The following PRKG1 variants were observed in gnomAD, a reference collection of about 807,000 sequenced individuals.
PRKG1 encodes cGMP-dependent protein kinase 1.
Under a neutral mutation model 88.1 loss-of-function variants are expected in PRKG1, and 35 were observed. The observed-to-expected ratio is 0.40, with a 90% CI of 0.30 to 0.53. The LOEUF (loss-of-function observed/expected upper bound fraction) is 0.53, where lower values mean the gene tolerates loss of function less well. PRKG1 is among the 20% of genes least tolerant of loss of function. The probability of loss-of-function intolerance (pLI) is 0.59; values close to 1 mark genes in which losing one functional copy is unlikely to be tolerated. For missense variants in PRKG1, 540 were observed against 839.8 expected (o/e 0.64, Z 4.41); for synonymous variants, 303 against 292.5 (o/e 1.04, Z -0.37).
chr10:51,788,815 C>T (rs1838794869), intron 3 of PRKG1, among the ~76,000 whole-genome samples: 1 of 152,124 alleles, frequency 6.6e-6, no homozygotes, highest in Non-Finnish European at 1.5e-5. Context: ...ACAGTGAGCT[C>T]TGCAGGAGAG....
intron 3 of PRKG1, among the ~76,000 whole-genome samples, chr10:51,754,876 G>A (rs1218941246): frequency 6.6e-6 from 1 of 152,084 alleles, no homozygotes; most frequent in African/African-American, 2.4e-5. Context: ...TGTGAGGTGT[G>A]TTGCCACTAT....
intron 2 of PRKG1, among the ~76,000 whole-genome samples, chr10:51,378,411 C>G (rs1157590766): frequency 6.6e-6 from 1 of 152,136 alleles, no homozygotes; most frequent in Non-Finnish European, 1.5e-5. Context: ...ATAGCACTAG[C>G]CGACCATTTA....
At chr10:52,006,052 C>T (rs77631414) in intron 5 of PRKG1, among the ~76,000 whole-genome samples, 9 of 151,448 alleles carry the variant, frequency 5.9e-5, no homozygotes, top group South Asian at 4.2e-4. Context: ...ATAATCAAAC[C>T]CCCAAGGGCA....
intron 2 of PRKG1, among the ~76,000 whole-genome samples, chr10:51,163,993 GT>G (rs1336454411): frequency 6.6e-6 from 1 of 152,192 alleles, no homozygotes; most frequent in African/African-American, 2.4e-5. Flanking sequence ...AAAGACAGCA[GT>G]AACCTCTGCA....
intron 2 of PRKG1, among the ~76,000 whole-genome samples, chr10:51,203,625 C>T (rs1837969067): frequency 6.6e-6 from 1 of 152,116 alleles, no homozygotes; most frequent in Non-Finnish European, 1.5e-5. Context: ...GTGAAAAGAC[C>T]TGCGCTTGAA....
At chr10:51,411,525 A>AT (rs1838088347) in intron 2 of PRKG1, among the ~76,000 whole-genome samples, 1 of 152,198 alleles carries the variant, frequency 6.6e-6, no homozygotes, top group Non-Finnish European at 1.5e-5. Context: ...ATAACGGATA[A>AT]TGGCAGGGGG....
chr10:51,766,857 T>C (rs1247736193), intron 3 of PRKG1, among the ~76,000 whole-genome samples: 6 of 152,206 alleles, frequency 3.9e-5, no homozygotes, highest in Admixed American at 3.3e-4. Context: ...CATAGTTTTT[T>C]ACTTTGTTCA....
At chr10:51,325,877 A>G (rs1299521795) in intron 2 of PRKG1, among the ~76,000 whole-genome samples, 5 of 152,026 alleles carry the variant, frequency 3.3e-5, no homozygotes, top group Admixed American at 2.0e-4. Flanking sequence ...ACTGCATTCC[A>G]TCTGTGCTGA....
intron 2 of PRKG1, among the ~76,000 whole-genome samples, chr10:51,346,316 C>T (rs35339047): frequency 0.064 from 9,782 of 152,210 alleles, 437 homozygotes; most frequent in Middle Eastern, 0.12. Flanking sequence ...AATGGATTTG[C>T]GGCTGGGTTT....
chr10:52,003,427 T>C (rs1844650329), intron 5 of PRKG1, among the ~76,000 whole-genome samples: 1 of 152,202 alleles, frequency 6.6e-6, no homozygotes, highest in African/African-American at 2.4e-5. Context: ...AGAAGTAGGA[T>C]TAAGAAAGTC....
intron 14 of PRKG1, among the ~76,000 whole-genome samples, chr10:52,285,695 T>A (rs1385887796): frequency 2.0e-5 from 3 of 152,144 alleles, no homozygotes; most frequent in Non-Finnish European, 4.4e-5. Context: ...TTATCTATAA[T>A]TTCTTTGAGG....
intron 3 of PRKG1, among the ~76,000 whole-genome samples, chr10:51,491,956 G>A (rs1437113333): frequency 1.3e-5 from 2 of 152,090 alleles, no homozygotes; most frequent in East Asian, 3.9e-4. Flanking sequence ...CTGAGTGAAA[G>A]CGATGGTTTT....
chr10:51,276,119 C>G (rs939514510), intron 2 of PRKG1, among the ~76,000 whole-genome samples: 3 of 152,046 alleles, frequency 2.0e-5, no homozygotes, highest in African/African-American at 2.4e-5. Flanking sequence ...CCCCTCTCCC[C>G]CAACCCCACG....
chr10:51,577,221 C>T (rs569360536), intron 3 of PRKG1, among the ~76,000 whole-genome samples: 1 of 151,824 alleles, frequency 6.6e-6, no homozygotes, highest in African/African-American at 2.4e-5. Context: ...GCAATATATT[C>T]CAAATGTGTT....
intron 10 of PRKG1, among the ~76,000 whole-genome samples, chr10:52,254,314 GA>G (rs1400963439): frequency 1.3e-5 from 2 of 151,910 alleles, no homozygotes; most frequent in East Asian, 3.9e-4. Context: ...AAGTGCTATT[GA>G]AGCAATATCT....
intron 4 of PRKG1, among the ~76,000 whole-genome samples, chr10:51,901,200 A>T (rs532866442): frequency 6.6e-6 from 1 of 152,322 alleles, no homozygotes; most frequent in East Asian, 1.9e-4. Context: ...TTAAAAAGTT[A>T]TTCAACACTG....
chr10:51,602,548 C>T (rs563174624), intron 3 of PRKG1, among the ~76,000 whole-genome samples: 3 of 151,838 alleles, frequency 2.0e-5, no homozygotes, highest in East Asian at 1.9e-4. Context: ...GCGTCAGCCT[C>T]GTGAGTAGCT....
In PRKG1 at chr10:52,294,018, T is replaced by C; in HGVS notation, c.*118T>C. ...CTCGGGGTCACCATGATGCCTTTGA[T>C]CGATGCTGCTCCAGTAACTACAGTG... is the stretch of plus-strand genomic sequence containing the variant. On this transcript the variant is annotated 3_prime_UTR_variant, in exon 18 of 18. Coordinates refer to ENST00000373980, the MANE Select transcript of PRKG1 (RefSeq NM_006258.4). 1.4e-6 allele frequency: 1 copy of C among 735,822 alleles called. No homozygotes were observed. Among genetic ancestry groups the C allele is most frequent in the Non-Finnish European group, 2.3e-6 (1 of 441,384 alleles). The allele number at this position is 735,822 out of a possible 1,614,324, so 45.6% of individuals were successfully genotyped here.
intron 3 of PRKG1, among the ~76,000 whole-genome samples, chr10:51,528,460 G>A (rs1167749373): frequency 6.6e-6 from 1 of 151,740 alleles, no homozygotes; most frequent in Non-Finnish European, 1.5e-5. Flanking sequence ...AAAGTTGGTA[G>A]GGCATATTTT....
Sources: allele counts gnomAD v4.1 joint callset (sites outside exome capture counted in the v4.1 genomes callset), GRCh38; gene constraint gnomAD v4.1.1; transcripts MANE v1.5; gene names NCBI Gene and HGNC (gene_info 2026-07-23, HGNC 2026-07-21).